The following ODAD2 variants were observed in gnomAD, a reference collection of about 807,000 sequenced individuals.
The protein encoded by ODAD2 is outer dynein arm-docking complex subunit 2.
ODAD2 carries 89 observed loss-of-function variants against 106.8 expected under a neutral mutation model. The ratio of observed to expected loss-of-function variants is 0.83; its 90% CI spans 0.70 to 0.99. ODAD2 has a LOEUF of 0.99. Ranked by LOEUF, ODAD2 falls within the 50% of genes least tolerant of loss-of-function variation. The probability of loss-of-function intolerance (pLI) is 0.00; values close to 1 mark genes in which losing one functional copy is unlikely to be tolerated. For synonymous variants in ODAD2, 404 were observed against 436.2 expected (o/e 0.93, Z 0.92); for missense variants, 1,168 against 1,238.5 (o/e 0.94, Z 0.85).
intron 17 of ODAD2, among the ~76,000 whole-genome samples, chr10:27,888,498 C>T (rs978236275): frequency 6.6e-6 from 1 of 151,954 alleles, no homozygotes; most frequent in Non-Finnish European, 1.5e-5. Flanking sequence ...ATGTTCTTTG[C>T]CCTCTTTTTA....
intron 19 of ODAD2, among the ~76,000 whole-genome samples, chr10:27,836,531 A>G (rs1589786811): frequency 6.6e-6 from 1 of 152,216 alleles, no homozygotes. Flanking sequence ...TGCAAAACTC[A>G]TCTAAATTTG....
chr10:27,985,459 A>G (rs1849822138), intron 3 of ODAD2, among the ~76,000 whole-genome samples: 2 of 152,232 alleles, frequency 1.3e-5, no homozygotes, highest in South Asian at 4.1e-4. Flanking sequence ...TAATAGCACA[A>G]AGACCAAGAC....
chr10:27,832,474 G>A (rs928286049), intron 19 of ODAD2, among the ~76,000 whole-genome samples: 3 of 151,960 alleles, frequency 2.0e-5, no homozygotes, highest in Admixed American at 2.0e-4. Flanking sequence ...ATCGCAGCCA[G>A]GTTCTCTAAT....
At chr10:27,815,884 A>G (rs1836095042) in intron 19 of ODAD2, among the ~76,000 whole-genome samples, 1 of 152,168 alleles carries the variant, frequency 6.6e-6, no homozygotes, top group Admixed American at 6.6e-5. Context: ...CTTCTTAGCC[A>G]TCTCCACTTG....
At position 27,970,970 on chromosome 10, in the gene ODAD2, TTAAATAAATAAA is replaced by T. The variant is rs59193868; in HGVS notation, c.1142+126_1142+137del. ...CTGGGCAACAGAGCAAGACTCCATC[TTAAATAAATAAA>T]TAAATAAATAAATAAATAAATAAAT... On this transcript the variant is annotated intron_variant, in intron 8 of 19. Coordinates refer to ENST00000305242, the MANE Select transcript of ODAD2 (RefSeq NM_018076.5). 983 of 306,152 alleles carry T rather than the reference TTAAATAAATAAA, an allele frequency of 3.2e-3. 122 individuals carry two copies. In the South Asian group the frequency reaches 0.033, roughly 10 times the overall value. The allele number at this position is 306,152 out of a possible 1,614,324, so 19.0% of individuals were successfully genotyped here. A position where few individuals can be genotyped will look rare whatever the true frequency, so the allele number is the denominator to read the frequency against.
At chr10:27,886,464 AC>A (rs951997919) in intron 17 of ODAD2, among the ~76,000 whole-genome samples, 11 of 152,096 alleles carry the variant, frequency 7.2e-5, no homozygotes, top group Non-Finnish European at 5.9e-5. Context: ...ACCTAGAGAA[AC>A]AAGTTGAAGG....
At chr10:27,853,277 G>T (rs778546942) in intron 19 of ODAD2, 49 of 234,292 alleles carry the variant, frequency 2.1e-4, no homozygotes, top group Admixed American at 9.5e-4. Flanking sequence ...TGAGGCAGGA[G>T]AATCGCTTGA....
At chr10:27,818,480 C>T (rs1398270702) in intron 19 of ODAD2, among the ~76,000 whole-genome samples, 2 of 152,046 alleles carry the variant, frequency 1.3e-5, no homozygotes. Flanking sequence ...ATAATTATTA[C>T]TTTATGAATT....
chr10:27,812,669 C>A, intron 19 of ODAD2, 44 bp from the exon 20 acceptor site: 1 of 1,529,220 alleles, frequency 6.5e-7, no homozygotes, highest in Non-Finnish European at 8.7e-7. Context: ...AGAATAAAAA[C>A]ATTAATCTAA....
intron 16 of ODAD2, among the ~76,000 whole-genome samples, chr10:27,930,918 A>G (rs909453915): frequency 6.6e-6 from 1 of 152,204 alleles, no homozygotes; most frequent in African/African-American, 2.4e-5. Context: ...CAATCTGGCA[A>G]TCATTGTCTC....
At chr10:27,932,113 T>C (rs989774834) in intron 16 of ODAD2, among the ~76,000 whole-genome samples, 2 of 152,064 alleles carry the variant, frequency 1.3e-5, no homozygotes, top group Admixed American at 6.6e-5. Context: ...CTTTACATTT[T>C]TTATAGAGAC....
intron 14 of ODAD2, among the ~76,000 whole-genome samples, chr10:27,937,574 A>T (rs1229888611): frequency 6.6e-6 from 1 of 152,162 alleles, no homozygotes; most frequent in African/African-American, 2.4e-5. Flanking sequence ...TTTACTGCAC[A>T]GATGGTCTCA....
chr10:27,925,369 T>C (rs1845183634), intron 16 of ODAD2, among the ~76,000 whole-genome samples: 1 of 152,188 alleles, frequency 6.6e-6, no homozygotes, highest in African/African-American at 2.4e-5. Context: ...TTTTAAAAAA[T>C]GTTTTTGAGG....
chr10:27,923,952 A>AAGAAAGAAAGAT, intron 16 of ODAD2, among the ~76,000 whole-genome samples: 1 of 65,436 alleles, frequency 1.5e-5, no homozygotes, highest in African/African-American at 7.3e-5. Flanking sequence ...TAATGAAAGA[A>AAGAAAGAAAGAT]AGAAAGAAAG....
intron 17 of ODAD2, among the ~76,000 whole-genome samples, chr10:27,887,526 C>T (rs1316530684): frequency 2.0e-5 from 3 of 152,010 alleles, no homozygotes; most frequent in Admixed American, 2.0e-4. Flanking sequence ...GCAGAATACT[C>T]ATTTTTCTCA....
intron 19 of ODAD2, among the ~76,000 whole-genome samples, chr10:27,835,719 A>C (rs1361507635): frequency 1.3e-5 from 2 of 152,158 alleles, no homozygotes; most frequent in African/African-American, 4.8e-5. Context: ...GAAAGTCATA[A>C]GGAAGAAACA....
intron 7 of ODAD2, among the ~76,000 whole-genome samples, chr10:27,978,857 A>C (rs1849355427): frequency 6.6e-6 from 1 of 152,034 alleles, no homozygotes; most frequent in African/African-American, 2.4e-5. Context: ...AGGTCATATA[A>C]GAAAATCCCA....
intron 16 of ODAD2, among the ~76,000 whole-genome samples, chr10:27,921,974 G>T (rs182734510): frequency 1.3e-4 from 19 of 151,168 alleles, no homozygotes; most frequent in Non-Finnish European, 2.1e-4. Context: ...CGAGACCCAC[G>T]TGGGCAACAT....
At chr10:27,948,715 C>G (rs551127814) in intron 10 of ODAD2, among the ~76,000 whole-genome samples, 1 of 144,588 alleles carries the variant, frequency 6.9e-6, no homozygotes, top group South Asian at 2.2e-4. Flanking sequence ...TAATGCAATT[C>G]TTTTGCTAGT....
Sources: gnomAD v4.1 joint callset for allele counts (sites outside exome capture counted in the v4.1 genomes callset) on GRCh38, gnomAD v4.1.1 for gene constraint, MANE v1.5 for transcripts, NCBI Gene and HGNC (gene_info 2026-07-23, HGNC 2026-07-21) for gene names.